FAM178B: variants seen among roughly 807,000 people sequenced by gnomAD.
FAM178B encodes the protein protein FAM178B.
Under a neutral mutation model 91.7 loss-of-function variants are expected in FAM178B, and 82 were observed. The ratio of observed to expected loss-of-function variants is 0.89; its 90% CI spans 0.75 to 1.07. The LOEUF (loss-of-function observed/expected upper bound fraction) is 1.07, where lower values mean the gene tolerates loss of function less well. Among genes scored for constraint, FAM178B ranks in the 50% least tolerant of loss-of-function variants. The probability of loss-of-function intolerance (pLI) is 0.00; values close to 1 mark genes in which losing one functional copy is unlikely to be tolerated. For missense variants in FAM178B, 769 were observed against 846.7 expected (o/e 0.91, Z 1.14); for synonymous variants, 368 against 359.4 (o/e 1.02, Z -0.27).
chr2:96,985,160 G>A (rs150868130), intron 1 of FAM178B, among the ~76,000 whole-genome samples: 1 of 152,180 alleles, frequency 6.6e-6, no homozygotes, highest in Non-Finnish European at 1.5e-5. Context: ...GAGGGGATAT[G>A]AAGGCCCCCC....
chr2:96,938,944 C>G (rs1011471298), intron 8 of FAM178B: 1 of 152,558 alleles, frequency 6.6e-6, no homozygotes, highest in African/African-American at 2.4e-5. Context: ...TGGCTCACAC[C>G]TGTAATCCCA....
intron 12 of FAM178B, among the ~76,000 whole-genome samples, chr2:96,915,635 G>C (rs2081229080): frequency 6.6e-6 from 1 of 151,574 alleles, no homozygotes; most frequent in Non-Finnish European, 1.5e-5. Flanking sequence ...GCCCAACATG[G>C]AGAAACCTCG....
At chr2:96,905,043 C>T (rs1317181580) in intron 12 of FAM178B, among the ~76,000 whole-genome samples, 1 of 151,064 alleles carries the variant, frequency 6.6e-6, no homozygotes, top group South Asian at 2.1e-4. Flanking sequence ...TTACAGGCAA[C>T]CCCAACTCTT....
At chr2:96,959,878 T>TCA (rs1361562519) in intron 6 of FAM178B, among the ~76,000 whole-genome samples, 10 of 152,280 alleles carry the variant, frequency 6.6e-5, no homozygotes, top group Middle Eastern at 3.4e-3. Flanking sequence ...AGTGTCTGCA[T>TCA]CACACACACA....
At chr2:96,949,538 A>C (rs532552983) in intron 7 of FAM178B, among the ~76,000 whole-genome samples, 1 of 152,256 alleles carries the variant, frequency 6.6e-6, no homozygotes, top group East Asian at 1.9e-4. Flanking sequence ...CCTGGGGCCC[A>C]GCATGCCCCT....
At chr2:96,957,571 T>C (rs1026549112) in intron 6 of FAM178B, among the ~76,000 whole-genome samples, 2 of 152,164 alleles carry the variant, frequency 1.3e-5, no homozygotes, top group African/African-American at 4.8e-5. Flanking sequence ...AGGTCACCGC[T>C]CCATGGGCCA....
chr2:96,893,007 G>C (rs749496964), intron 14 of FAM178B, among the ~76,000 whole-genome samples: 4 of 152,200 alleles, frequency 2.6e-5, no homozygotes, highest in Admixed American at 6.5e-5. Context: ...AGAGGAGCGT[G>C]CACCTGGGGA....
chr2:96,921,618 A>G lies in FAM178B; in HGVS notation c.1324T>C (p.Tyr442His), dbSNP rs1243602969. ...AGTCCCATGAGGTTCTCATCAGTGT[A>G]GGCCCCCGGCTGGGCCTGGGCACAC... is the stretch of plus-strand genomic sequence containing the variant. ...ALCAQAQPGA[Y>H]TDENLMGLIE... The change falls in exon 11 of 17, where the codon TAC (tyrosine) becomes CAC (histidine). Residue 442 changes from tyrosine (Y) to histidine (H), a missense_variant. Coordinates refer to ENST00000490605, the MANE Select transcript of FAM178B (RefSeq NM_001122646.3). The G allele has an allele frequency of 1.9e-6, 3 of 1,551,640 alleles. No individual in the cohort carries two copies. The highest frequency in any genetic ancestry group is 2.6e-6 in the Non-Finnish European group (3 of 1,146,994).
intron 14 of FAM178B, among the ~76,000 whole-genome samples, chr2:96,887,677 G>A (rs2080562033): frequency 1.3e-5 from 2 of 152,224 alleles, no homozygotes; most frequent in African/African-American, 4.8e-5. Context: ...GCTCTGGATT[G>A]CAGTTTCATA....
chr2:96,883,622 G>C (rs1304363681), intron 14 of FAM178B, among the ~76,000 whole-genome samples: 1 of 152,190 alleles, frequency 6.6e-6, no homozygotes, highest in Non-Finnish European at 1.5e-5. Flanking sequence ...TGTGTGTGTT[G>C]GGGGGAGAAC....
intron 1 of FAM178B, among the ~76,000 whole-genome samples, chr2:96,974,882 A>C (rs951568111): frequency 4.0e-5 from 6 of 151,888 alleles, no homozygotes; most frequent in Admixed American, 2.6e-4. Context: ...CTTGAGGTCA[A>C]GAGTTCGAGA....
At chr2:96,967,911 C>CTATTTTTTTTTTTT (rs2082165689) in intron 4 of FAM178B, among the ~76,000 whole-genome samples, 1 of 62,418 alleles carries the variant, frequency 1.6e-5, no homozygotes, top group Non-Finnish European at 3.0e-5. Context: ...CCTGTTTGGT[C>CTATTTTTTTTTTTT]TTTTTTTTTT....
intron 6 of FAM178B, among the ~76,000 whole-genome samples, chr2:96,957,430 A>G (rs1203944147): frequency 6.6e-6 from 1 of 152,182 alleles, no homozygotes; most frequent in Non-Finnish European, 1.5e-5. Context: ...CCAAGACTGC[A>G]GATCTGAGGC....
At chr2:96,973,031 C>T (rs1001823367) in intron 1 of FAM178B, among the ~76,000 whole-genome samples, 12 of 151,742 alleles carry the variant, frequency 7.9e-5, no homozygotes, top group Non-Finnish European at 1.6e-4. Context: ...TGGTGAAACC[C>T]GTCTCTAGTA....
rs564510602 is a variant in FAM178B at position 96,985,388 on chromosome 2, C to T, written c.73+853G>A. Among the ~76,000 whole-genome samples, 17 of 152,302 alleles carry T rather than the reference C, an allele frequency of 1.1e-4. No homozygotes were observed. The South Asian group carries it at 3.5e-3, about 32-fold the overall frequency. ...CCCTCTGCCCAGCACATCCCTCTGC[C>T]TGGGCTCTTGTCTCCCCGAATCCTG... On this transcript the variant is annotated intron_variant, in intron 1 of 16. Coordinates refer to ENST00000490605, the MANE Select transcript of FAM178B (RefSeq NM_001122646.3).
chr2:96,880,016 A>G (rs2080341136), intron 14 of FAM178B, among the ~76,000 whole-genome samples: 1 of 152,258 alleles, frequency 6.6e-6, no homozygotes, highest in Non-Finnish European at 1.5e-5. Context: ...GCCGGACACT[A>G]TACCTTGACT....
At chr2:96,953,584 G>C (rs1198792536) in intron 6 of FAM178B, among the ~76,000 whole-genome samples, 1 of 152,224 alleles carries the variant, frequency 6.6e-6, no homozygotes, top group Non-Finnish European at 1.5e-5. Context: ...AGAAATGATT[G>C]ATTGGCCTCT....
chr2:96,949,381 C>T (rs191861299), intron 7 of FAM178B, among the ~76,000 whole-genome samples: 461 of 152,270 alleles, frequency 3.0e-3, no homozygotes, highest in Admixed American at 6.1e-3. Flanking sequence ...ACCACTTAAC[C>T]CCTCTTAGCC....
At position 96,975,092 on chromosome 2, in the gene FAM178B, C is replaced by T. The variant is rs550712924; in HGVS notation, c.74-2486G>A. On this transcript the variant is annotated intron_variant, in intron 1 of 16. Transcript: ENST00000490605. Reference sequence around the variant, plus strand: ...CCTGGGTGACAGAGTGAGACTCTGTCTCAAAAAAAAAAAAAAAAAAAAAAA... The same window carrying T: ...CCTGGGTGACAGAGTGAGACTCTGTTTCAAAAAAAAAAAAAAAAAAAAAAA... Among the ~76,000 whole-genome samples, 13 of 47,858 alleles carry T rather than the reference C, an allele frequency of 2.7e-4. No homozygotes were observed. In the East Asian group the frequency reaches 6.3e-3, roughly 23 times the overall value. The allele number at this position is 47,858 out of a possible 152,430, so 31.4% of individuals were successfully genotyped here.
Sources: allele counts gnomAD v4.1 joint callset (sites outside exome capture counted in the v4.1 genomes callset), GRCh38; gene constraint gnomAD v4.1.1; transcripts MANE v1.5; gene names NCBI Gene and HGNC (gene_info 2026-07-23, HGNC 2026-07-21).